The following AGFG1 variants were observed in gnomAD, a reference collection of about 807,000 sequenced individuals.
AGFG1 encodes ArfGAP with FG repeats 1, also known as arf-GAP domain and FG repeat-containing protein 1.
AGFG1 carries 10 observed loss-of-function variants against 60.6 expected under a neutral mutation model. That is an observed-to-expected ratio of 0.16 (90% CI 0.10 to 0.28). The LOEUF (loss-of-function observed/expected upper bound fraction) is 0.28. Among genes scored for constraint, AGFG1 ranks in the 10% least tolerant of loss-of-function variants. AGFG1 has a pLI of 1.00. For missense variants in AGFG1, 537 were observed against 676.5 expected, an observed-to-expected ratio of 0.79 and a Z score of 2.29; for synonymous variants, 247 against 242.9, an observed-to-expected ratio of 1.02 and a Z score of -0.16.
At position 227,524,856 on chromosome 2, in the gene AGFG1, C is replaced by T. The variant is rs1472620875; in HGVS notation, c.635C>T (p.Ala212Val). 1 of 1,614,134 alleles carries T rather than the reference C, an allele frequency of 6.2e-7. No individual in the cohort carries two copies. Among genetic ancestry groups the T allele is most frequent in the South Asian group, 1.1e-5 (1 of 91,088 alleles). Residue 212 changes from alanine to valine, a missense_variant, in exon 5 of 13, where the codon GCT becomes GTT. Ala to Val is a moderately conservative substitution (Grantham distance 64). Around this residue, in one of 4 missense-constraint regions of AGFG1, gnomAD observed 102 missense variants for 82.9 expected, o/e 1.23. Coordinates refer to ENST00000310078, the MANE Select transcript of AGFG1 (RefSeq NM_004504.5). ...DLGSDIFAAPAPQSTATANFA... is the reference protein window; with the variant it reads ...DLGSDIFAAPVPQSTATANFA... ...GGCTCAGACATCTTTGCTGCTCCAG[C>T]TCCTCAGTCAACAGCTACAGCCAAT...
At chr2:227,475,442 A>C (rs1045072962) in intron 1 of AGFG1, among the ~76,000 whole-genome samples, 1 of 152,226 alleles carries the variant, frequency 6.6e-6, no homozygotes, top group African/African-American at 2.4e-5. Flanking sequence ...GGGAATGAAG[A>C]CTAGAGTGGC....
intron 10 of AGFG1, among the ~76,000 whole-genome samples, chr2:227,544,061 A>T (rs554823107): frequency 6.7e-6 from 1 of 149,178 alleles, no homozygotes; most frequent in East Asian, 2.0e-4. Flanking sequence ...TTTTGAGCCT[A>T]TGTATGTCTC....
intron 10 of AGFG1, among the ~76,000 whole-genome samples, chr2:227,540,408 A>G (rs1249326428): frequency 6.6e-6 from 1 of 151,836 alleles, no homozygotes; most frequent in African/African-American, 2.4e-5. Context: ...AAGTGTTCTC[A>G]TTGTTCAGTT....
chr2:227,535,136 A>AT, intron 8 of AGFG1, 111 bp downstream of exon 8: 2 of 1,203,302 alleles, frequency 1.7e-6, no homozygotes, highest in South Asian at 3.8e-5. Context: ...ATTCTTGGAT[A>AT]TTTTTGTAAA....
chr2:227,553,605 C>G, intron 11 of AGFG1, 99 bp from the exon 12 acceptor site: 1 of 942,142 alleles, frequency 1.1e-6, no homozygotes. Context: ...ATTTTTGCTG[C>G]TCTGGTAGGA....
In AGFG1 at chr2:227,536,956, T is replaced by C; in HGVS notation, c.1341T>C (p.Ser447=). ...CTGCTGGTCCTTCTGTGGCATCTTC[T>C]ACAAACCCATTTCAGACCAATGCCA... ...VAAAGPSVAS[S]TNPFQTNARG... is the part of the protein sequence containing the mutation. The change falls in exon 10 of 13, where the codon TCT becomes TCC. Residue 447 remains serine, a synonymous_variant. Transcript: ENST00000310078. 1 of 1,613,178 alleles carries C rather than the reference T, an allele frequency of 6.2e-7. No homozygotes were observed. The highest frequency in any genetic ancestry group is 8.5e-7 in the Non-Finnish European group (1 of 1,179,396).
chr2:227,529,035 T>A (rs976814621), intron 5 of AGFG1, among the ~76,000 whole-genome samples: 2 of 152,224 alleles, frequency 1.3e-5, no homozygotes, highest in Non-Finnish European at 2.9e-5. Flanking sequence ...TACAAATGAC[T>A]GCTCAGATTA....
chr2:227,495,483 C>T (rs1009336217), intron 2 of AGFG1, among the ~76,000 whole-genome samples: 35 of 149,512 alleles, frequency 2.3e-4, no homozygotes, highest in African/African-American at 7.9e-4. Context: ...GAGTTCAAGG[C>T]TGCAGTAAGT....
rs1575051878 is a variant in AGFG1 at position 227,472,368 on chromosome 2, C to G, written c.-54C>G. On this transcript the variant is annotated 5_prime_UTR_variant, in exon 1 of 13. Transcript: ENST00000310078. The stretch of plus-strand genomic sequence containing the variant: ...GGCCCGTGGGACCGCGGGCCCCCGG[C>G]GCAGCGCTGCCCGGCTCCCGGCCCT... 4.5e-6 allele frequency: 5 copies of G among 1,122,788 alleles called. No individual in the cohort carries two copies. The highest frequency in any genetic ancestry group is 3.3e-6 in the Non-Finnish European group (3 of 908,042). The allele number at this position is 1,122,788 out of a possible 1,614,324, so 69.6% of individuals were successfully genotyped here. A position where few individuals can be genotyped will look rare whatever the true frequency, so the allele number is the denominator to read the frequency against.
At chr2:227,525,690 TG>T (rs899120855) in intron 5 of AGFG1, among the ~76,000 whole-genome samples, 2 of 152,250 alleles carry the variant, frequency 1.3e-5, no homozygotes, top group Non-Finnish European at 2.9e-5. Context: ...ACCACTATGG[TG>T]CCCTGTAACA....
At chr2:227,536,760 G>A in intron 9 of AGFG1, 56 bp downstream of exon 9, 1 of 1,588,414 alleles carries the variant, frequency 6.3e-7, no homozygotes, top group East Asian at 2.2e-5. Flanking sequence ...TATATATTGT[G>A]TAGCATTTTC....
intron 6 of AGFG1, 64 bp from the exon 7 acceptor site, chr2:227,533,485 C>T (rs1692220248): frequency 7.5e-7 from 1 of 1,333,198 alleles, no homozygotes; most frequent in Non-Finnish European, 1.1e-6. Context: ...AATGATCATA[C>T]AGTCTATGAG....
intron 2 of AGFG1, among the ~76,000 whole-genome samples, chr2:227,496,986 A>G (rs1690991935): frequency 6.6e-6 from 1 of 152,174 alleles, no homozygotes; most frequent in African/African-American, 2.4e-5. Flanking sequence ...GTAACAACAT[A>G]TTGCCATGTA....
At chr2:227,532,455 T>C (rs1282151746) in intron 6 of AGFG1, among the ~76,000 whole-genome samples, 1 of 152,140 alleles carries the variant, frequency 6.6e-6, no homozygotes, top group Non-Finnish European at 1.5e-5. Context: ...GTATGTACTT[T>C]GTTTGCCAGC....
chr2:227,491,285 CAT>C (rs1690808645), intron 1 of AGFG1, among the ~76,000 whole-genome samples: 1 of 152,032 alleles, frequency 6.6e-6, no homozygotes, highest in South Asian at 2.1e-4. Flanking sequence ...CCTAGAAACT[CAT>C]GTGTCACAGT....
chr2:227,537,070 G>A, intron 10 of AGFG1, 77 bp downstream of exon 10: 1 of 1,236,092 alleles, frequency 8.1e-7, no homozygotes, highest in Non-Finnish European at 1.2e-6. Context: ...AAGAACACCA[G>A]AAAATGGGGC....
At chr2:227,509,027 C>T (rs1010536111) in intron 2 of AGFG1, among the ~76,000 whole-genome samples, 1 of 152,068 alleles carries the variant, frequency 6.6e-6, no homozygotes, top group African/African-American at 2.4e-5. Context: ...AAATGTAAGT[C>T]ATAAAGGAAG....
intron 1 of AGFG1, among the ~76,000 whole-genome samples, chr2:227,489,316 C>A (rs1000566839): frequency 2.0e-5 from 3 of 148,966 alleles, no homozygotes; most frequent in Non-Finnish European, 4.4e-5. Context: ...CTGCAACTTC[C>A]GCCTCCTGGG....
chr2:227,490,063 G>A (rs931784848), intron 1 of AGFG1, among the ~76,000 whole-genome samples: 1 of 152,050 alleles, frequency 6.6e-6, no homozygotes, highest in African/African-American at 2.4e-5. Context: ...TGAGCTCGTC[G>A]TCTCGGCCCC....
Sources: allele counts gnomAD v4.1 joint callset (sites outside exome capture counted in the v4.1 genomes callset), GRCh38; gene constraint gnomAD v4.1.1; regional missense constraint gnomAD v4.1.1; transcripts MANE v1.5; gene names NCBI Gene and HGNC (gene_info 2026-07-23, HGNC 2026-07-21).